Variants in SS18 observed in about 807,000 individuals in gnomAD.
SS18 encodes the protein protein SSXT.
Under a neutral mutation model 72.5 loss-of-function variants are expected in SS18, and 28 were observed. The ratio of observed to expected loss-of-function variants is 0.39; its 90% confidence interval spans 0.29 to 0.53. The LOEUF (loss-of-function observed/expected upper bound fraction) is 0.53. SS18 is among the 20% of genes least tolerant of loss of function. The pLI, the probability that SS18 is intolerant of heterozygous loss-of-function variation, is 0.76. For synonymous variants in SS18, 172 were observed against 164.2 expected, an observed-to-expected ratio of 1.05 and a Z score of -0.37; for missense variants, 518 against 535.3, an observed-to-expected ratio of 0.97 and a Z score of 0.32.
At chr18:26,087,401 T>C (rs758702667) in intron 2 of SS18, 100 bp downstream of exon 2, 2 of 703,620 alleles carry the variant, frequency 2.8e-6, no homozygotes, top group Non-Finnish European at 5.1e-6. Flanking sequence ...AGGTGAATTG[T>C]ATGGTATGTG....
intron 10 of SS18, among the ~76,000 whole-genome samples, chr18:26,022,909 C>A (rs2053377849): frequency 6.6e-6 from 1 of 152,160 alleles, no homozygotes; most frequent in Non-Finnish European, 1.5e-5. Context: ...AAAAGCCTTA[C>A]AATTCAAAGG....
At position 26,080,313 on chromosome 18, in the gene SS18, G is replaced by A. The variant is rs905327893; in HGVS notation, c.147-2153C>T. The A allele has an allele frequency of 4.8e-5, 47 of 984,880 alleles. No individual in the cohort carries two copies. In the African/African-American group the frequency reaches 6.1e-4, roughly 13 times the overall value. The allele number at this position is 984,880 out of a possible 1,614,324, so 61.0% of individuals were successfully genotyped here. A position where few individuals can be genotyped will look rare whatever the true frequency, so the allele number is the denominator to read the frequency against. Reference sequence around the variant, plus strand: ...TAATTAGAACACATAACCTGTTTCAGTCTAGGCCTTCAAGTTTTCCTTTGC... The same window carrying A: ...TAATTAGAACACATAACCTGTTTCAATCTAGGCCTTCAAGTTTTCCTTTGC... On this transcript the variant is annotated intron_variant, in intron 2 of 10. Transcript: ENST00000415083.
chr18:26,037,683 C>G (rs1232226195), intron 7 of SS18, among the ~76,000 whole-genome samples: 2 of 152,016 alleles, frequency 1.3e-5, no homozygotes, highest in Admixed American at 1.3e-4. Flanking sequence ...CTTAGTTTCT[C>G]TGTTCAGTAA....
chr18:26,072,005 G>A (rs1291167665), intron 3 of SS18, among the ~76,000 whole-genome samples: 3 of 152,030 alleles, frequency 2.0e-5, no homozygotes, highest in African/African-American at 7.2e-5. Context: ...TAAATGAAAG[G>A]AGGAACAGAA....
At chr18:26,083,166 A>G (rs1187446008) in intron 2 of SS18, among the ~76,000 whole-genome samples, 1 of 152,198 alleles carries the variant, frequency 6.6e-6, no homozygotes, top group Non-Finnish European at 1.5e-5. Context: ...ATTCTCCCTA[A>G]GTCAGTTTAA....
intron 5 of SS18, among the ~76,000 whole-genome samples, chr18:26,051,416 C>T (rs942883546): frequency 1.3e-5 from 2 of 152,118 alleles, no homozygotes; most frequent in African/African-American, 4.8e-5. Flanking sequence ...TTCTTCGAAT[C>T]TTATTATGTC....
In SS18 at chr18:26,016,434, C is replaced by G. The variant is rs1326468103; in HGVS notation, c.*1920G>C. ...TACTGATCAAGTTGAAAGAAAAAAC[C>G]TATTCTGGCCAGGCACGGTGGCTCA... On this transcript the variant is annotated 3_prime_UTR_variant, in exon 11 of 11. Transcript: ENST00000415083. The G allele has an allele frequency of 5.5e-6, 1 of 181,966 alleles. No homozygotes were observed. The highest frequency in any genetic ancestry group is 1.2e-5 in the Non-Finnish European group (1 of 85,240). The allele number at this position is 181,966 out of a possible 1,614,324, so 11.3% of individuals were successfully genotyped here.
At chr18:26,043,426 T>C (rs1485128873) in intron 5 of SS18, among the ~76,000 whole-genome samples, 1 of 152,200 alleles carries the variant, frequency 6.6e-6, no homozygotes, top group Non-Finnish European at 1.5e-5. Context: ...AGGCCTATTT[T>C]CACATTCATA....
intron 10 of SS18, among the ~76,000 whole-genome samples, chr18:26,029,545 G>T (rs1315361642): frequency 2.0e-5 from 3 of 152,140 alleles, no homozygotes; most frequent in African/African-American, 7.2e-5. Context: ...TTTGCTAATT[G>T]GATGTCTGCT....
chr18:26,064,247 C>G (rs1447011738), intron 3 of SS18, among the ~76,000 whole-genome samples: 1 of 151,936 alleles, frequency 6.6e-6, no homozygotes, highest in African/African-American at 2.4e-5. Context: ...TACCTCACAC[C>G]AATTTTTTGT....
intron 3 of SS18, among the ~76,000 whole-genome samples, chr18:26,063,155 T>C (rs1050592909): frequency 2.0e-5 from 3 of 152,156 alleles, no homozygotes; most frequent in African/African-American, 7.2e-5. Flanking sequence ...ATTGAAATCA[T>C]ATAAAATATA....
At chr18:26,056,551 T>C (rs1299351002) in intron 4 of SS18, among the ~76,000 whole-genome samples, 2 of 152,218 alleles carry the variant, frequency 1.3e-5, no homozygotes, top group Admixed American at 1.3e-4. Context: ...CACCTCAATC[T>C]TCTATAAGCC....
Position 26,035,093 on chromosome 18 carries a change from G to A in SS18, c.1008C>T (p.Tyr336=), listed in dbSNP as rs758027152. 1 of 1,613,386 alleles carries A rather than the reference G, an allele frequency of 6.2e-7. No individual in the cohort carries two copies. The highest frequency in any genetic ancestry group is 1.1e-5 in the South Asian group (1 of 91,068). ...ATCCCTGTTGTGGAGGTGGTCCCTGGTATGCATCTTGCTGTTGGCCATACT... is the reference window on the plus strand; with the variant it reads ...ATCCCTGTTGTGGAGGTGGTCCCTGATATGCATCTTGCTGTTGGCCATACT... ...NSQYGQQQDA[Y]QGPPPQQGYP... Residue 336 remains tyrosine, a synonymous_variant, in exon 9 of 11, where the codon TAC becomes TAT. Transcript: ENST00000415083. The surrounding 1 kb of genome is among the most constrained non-coding windows in gnomAD (Gnocchi z 4.4).
intron 5 of SS18, among the ~76,000 whole-genome samples, chr18:26,049,799 G>A (rs1481204589): frequency 6.6e-6 from 1 of 152,078 alleles, no homozygotes; most frequent in East Asian, 1.9e-4. Context: ...TACAAGCAAG[G>A]GCACCAACGC....
At position 26,055,259 on chromosome 18, in the gene SS18, G is replaced by C. The variant is rs574891827; in HGVS notation, c.385+2330C>G. Among the ~76,000 whole-genome samples, 4 of 152,038 alleles carry C rather than the reference G, an allele frequency of 2.6e-5. No homozygotes were observed. The East Asian group carries it at 5.9e-4, about 22-fold the overall frequency. On this transcript the variant is annotated intron_variant, in intron 4 of 10. Transcript: ENST00000415083. The stretch of plus-strand genomic sequence containing the variant: ...AAGCGGGTGGATCACCTGATGTCAG[G>C]AATTTGAGACCAGCCTGGCCAACAT...
chr18:26,057,292 G>A (rs562321110), intron 4 of SS18, among the ~76,000 whole-genome samples: 5 of 152,204 alleles, frequency 3.3e-5, no homozygotes, highest in Admixed American at 1.3e-4. Context: ...ATGGTGCAAC[G>A]CCTTTTTTTC....
chr18:26,067,054 TA>T (rs2054233490), intron 3 of SS18, among the ~76,000 whole-genome samples: 1 of 152,240 alleles, frequency 6.6e-6, no homozygotes, highest in Non-Finnish European at 1.5e-5. Context: ...TATTTTTCTT[TA>T]TAGTTTTCTC....
chr18:26,023,924 A>T (rs2053399331), intron 10 of SS18, among the ~76,000 whole-genome samples: 1 of 152,178 alleles, frequency 6.6e-6, no homozygotes, highest in South Asian at 2.1e-4. Context: ...TTTATAACGT[A>T]TACAGAAGTA....
chr18:26,041,409 T>C (rs2053720933), intron 5 of SS18, among the ~76,000 whole-genome samples: 1 of 152,070 alleles, frequency 6.6e-6, no homozygotes. Context: ...GGGCGACAAG[T>C]GTGAAACTCT....
Sources: gnomAD v4.1 joint callset for allele counts (sites outside exome capture counted in the v4.1 genomes callset) on GRCh38, gnomAD v4.1.1 for gene constraint, Gnocchi (gnomAD v3.1) non-coding constraint, MANE v1.5 for transcripts, NCBI Gene and HGNC (gene_info 2026-07-23, HGNC 2026-07-21) for gene names.